USP15: variants seen among roughly 807,000 people sequenced by gnomAD.
USP15 encodes the protein ubiquitin carboxyl-terminal hydrolase 15.
In USP15, 18 loss-of-function variants were observed where a neutral mutation model predicts 127.1. The ratio of observed to expected loss-of-function variants is 0.14; its 90% CI spans 0.10 to 0.21. The LOEUF (loss-of-function observed/expected upper bound fraction) is 0.21, where lower values mean the gene tolerates loss of function less well. Ranked by LOEUF, USP15 falls within the 10% of genes least tolerant of loss-of-function variation. The pLI is 1.00. For missense variants in USP15, 805 were observed against 1,159.9 expected (o/e 0.69, Z 4.44); for synonymous variants, 364 against 393.7 (o/e 0.92, Z 0.89).
chr12:62,372,379 A>G (rs1407490793), intron 8 of USP15, among the ~76,000 whole-genome samples: 1 of 152,152 alleles, frequency 6.6e-6, no homozygotes, highest in African/African-American at 2.4e-5. Flanking sequence ...GTTCCTTGAA[A>G]GATTTCAGTG....
intron 8 of USP15, among the ~76,000 whole-genome samples, chr12:62,359,332 C>T (rs533989137): frequency 1.2e-4 from 18 of 151,808 alleles, no homozygotes; most frequent in Admixed American, 2.6e-4. Flanking sequence ...AAAACATGGC[C>T]TTCCTGCTTA....
chr12:62,342,417 TC>T (rs1237978251), intron 6 of USP15, among the ~76,000 whole-genome samples: 1 of 152,120 alleles, frequency 6.6e-6, no homozygotes, highest in African/African-American at 2.4e-5. Context: ...TGTTAATTCA[TC>T]AGTCTCAGTC....
intron 6 of USP15, among the ~76,000 whole-genome samples, chr12:62,341,887 G>A (rs1055028607): frequency 3.3e-5 from 5 of 152,140 alleles, no homozygotes; most frequent in African/African-American, 4.8e-5. Flanking sequence ...GAGTATCTTA[G>A]TGGTGGTCTG....
At chr12:62,270,960 G>A (rs1233712714) in intron 1 of USP15, among the ~76,000 whole-genome samples, 2 of 151,938 alleles carry the variant, frequency 1.3e-5, no homozygotes, top group Admixed American at 6.6e-5. Context: ...ATTTCTTAGA[G>A]GTATGTGGTA....
chr12:62,396,534 T>C (rs370770439), intron 20 of USP15, 136 bp downstream of exon 20: 9 of 742,540 alleles, frequency 1.2e-5, no homozygotes, highest in South Asian at 1.0e-4. Flanking sequence ...TATTGATTAA[T>C]GAATGAGTCA....
intron 8 of USP15, 95 bp from the exon 9 acceptor site, chr12:62,381,395 T>C (rs536417410): frequency 1.7e-5 from 19 of 1,100,410 alleles, no homozygotes; most frequent in African/African-American, 6.3e-5. Context: ...CTCTGTGTTA[T>C]AGCAAATCAA....
At chr12:62,343,033 G>T (rs938983730) in intron 6 of USP15, among the ~76,000 whole-genome samples, 1 of 152,174 alleles carries the variant, frequency 6.6e-6, no homozygotes, top group African/African-American at 2.4e-5. Flanking sequence ...CCTCCCCCCA[G>T]TGTCTCTGTC....
intron 3 of USP15, among the ~76,000 whole-genome samples, chr12:62,307,656 C>T (rs76452883): frequency 0.022 from 3,343 of 152,168 alleles, 124 homozygotes; most frequent in African/African-American, 0.075. Context: ...ATAAACAATT[C>T]GTGAGTTTTA....
chr12:62,344,714 G>T (rs1380731934), intron 6 of USP15, among the ~76,000 whole-genome samples: 2 of 152,150 alleles, frequency 1.3e-5, no homozygotes, highest in Non-Finnish European at 2.9e-5. Flanking sequence ...TTATCCAGGC[G>T]TTTCCATACA....
At position 62,414,999 on chromosome 12, in the gene USP15, A is replaced by ATATATATCATATATGTAC. The variant is rs2068124032; in HGVS notation, c.*10631_*10632insCATATATGTACTATATAT. The ATATATATCATATATGTAC allele has an allele frequency of 8.2e-6, 1 of 121,260 alleles. No homozygotes were observed. Among genetic ancestry groups the ATATATATCATATATGTAC allele is most frequent in the South Asian group, 2.6e-4 (1 of 3,780 alleles). The allele number at this position is 121,260 out of a possible 1,614,324, so 7.5% of individuals were successfully genotyped here. ...ATATACATATATATCATATATGTAC[A>ATATATATCATATATGTAC]TATATATATATATATATGAGGGAGA... On this transcript the variant is annotated 3_prime_UTR_variant, in exon 22 of 22. Transcript: ENST00000280377.
chr12:62,349,329 C>A, intron 7 of USP15, 22 bp downstream of exon 7: 1 of 1,424,798 alleles, frequency 7.0e-7, no homozygotes, highest in Non-Finnish European at 9.3e-7. Context: ...ATCTTAAAAA[C>A]TCTTTGTTTA....
intron 8 of USP15, among the ~76,000 whole-genome samples, chr12:62,380,388 A>G (rs1045537252): frequency 5.3e-5 from 8 of 152,034 alleles, no homozygotes; most frequent in Non-Finnish European, 7.4e-5. Flanking sequence ...AATGCATAGT[A>G]TATAGTCGTA....
chr12:62,374,824 C>T (rs1274899469), intron 8 of USP15, among the ~76,000 whole-genome samples: 1 of 151,980 alleles, frequency 6.6e-6, no homozygotes, highest in African/African-American at 2.4e-5. Context: ...AGAATTTGTG[C>T]ATGTGTATAT....
chr12:62,293,935 A>G (rs2064052206), intron 1 of USP15, among the ~76,000 whole-genome samples: 2 of 152,200 alleles, frequency 1.3e-5, no homozygotes, highest in Non-Finnish European at 2.9e-5. Context: ...TTTCTTGAAT[A>G]CGTATATTTG....
rs564803467 is a variant in USP15 at position 62,408,528 on chromosome 12, C to T, written c.*4153C>T. On this transcript the variant is annotated 3_prime_UTR_variant, in exon 22 of 22. Transcript: ENST00000280377. ...CATAGAATAAGAGTAGAAGTTTTTG[C>T]TCATTTTTTTTGTTTGTTTTTACTT... The T allele has an allele frequency of 6.6e-6, 1 of 152,072 alleles. No individual in the cohort carries two copies. Among genetic ancestry groups the T allele is most frequent in the East Asian group, 1.9e-4 (1 of 5,176 alleles). 9.4% of individuals were successfully genotyped at this position (152,072 alleles called of 1,614,324 possible). A position where few individuals can be genotyped will look rare whatever the true frequency, so the allele number is the denominator to read the frequency against.
chr12:62,263,988 C>A (rs375923890), intron 1 of USP15, among the ~76,000 whole-genome samples: 4 of 151,954 alleles, frequency 2.6e-5, no homozygotes, highest in African/African-American at 9.7e-5. Flanking sequence ...AAAATACTCT[C>A]TTTGGAAAAA....
chr12:62,366,214 C>T (rs1041958962), intron 8 of USP15, among the ~76,000 whole-genome samples: 17 of 152,152 alleles, frequency 1.1e-4, no homozygotes, highest in African/African-American at 4.1e-4. Context: ...TTTGTGTCCT[C>T]TCTTATTTCC....
intron 6 of USP15, among the ~76,000 whole-genome samples, chr12:62,345,115 ATT>A (rs2065774038): frequency 6.6e-6 from 1 of 152,148 alleles, no homozygotes; most frequent in Non-Finnish European, 1.5e-5. Flanking sequence ...TTTCATTTCT[ATT>A]GCATTGTCAG....
chr12:62,290,177 G>A (rs1051425737), intron 1 of USP15, among the ~76,000 whole-genome samples: 2 of 152,104 alleles, frequency 1.3e-5, no homozygotes, highest in Non-Finnish European at 2.9e-5. Context: ...TTGGTTTTGT[G>A]TCCTGATGAT....
Sources: gnomAD v4.1 joint callset for allele counts (sites outside exome capture counted in the v4.1 genomes callset) on GRCh38, gnomAD v4.1.1 for gene constraint, MANE v1.5 for transcripts, NCBI Gene and HGNC (gene_info 2026-07-23, HGNC 2026-07-21) for gene names.